The following SIPA1L2 variants were observed in gnomAD, a reference collection of about 807,000 sequenced individuals.
The protein encoded by SIPA1L2 is signal induced proliferation associated 1 like 2, also known as signal-induced proliferation-associated 1-like protein 2.
SIPA1L2 carries 56 observed loss-of-function variants against 163.9 expected under a neutral mutation model. The ratio of observed to expected loss-of-function variants is 0.34; its 90% CI spans 0.28 to 0.43. The LOEUF is 0.43. SIPA1L2 is among the 20% of genes least tolerant of loss of function. The pLI is 1.00. For synonymous variants in SIPA1L2, 877 were observed against 865.7 expected, an observed-to-expected ratio of 1.01 and a Z score of -0.23; for missense variants, 1,974 against 2,193.5, an observed-to-expected ratio of 0.90 and a Z score of 2.00.
intron 16 of SIPA1L2, among the ~76,000 whole-genome samples, chr1:232,429,994 A>T (rs1457568580): frequency 1.3e-5 from 2 of 152,252 alleles, no homozygotes; most frequent in Non-Finnish European, 2.9e-5. Flanking sequence ...ATATGTGTTT[A>T]TAAAAAAACA....
chr1:232,536,791 G>A (rs894153471), intron 2 of SIPA1L2, among the ~76,000 whole-genome samples: 17 of 152,066 alleles, frequency 1.1e-4, no homozygotes, highest in Middle Eastern at 3.4e-3. Context: ...AAAATAAGAC[G>A]ACTGACAGGA....
In SIPA1L2 at chr1:232,479,302, AC is replaced by A. The variant is rs1665200968; in HGVS notation, c.2085+324del. ...CTCTATAAATAAGCTATTTACCCACACACAAAAACCGAAGTCAGGTCAACAC... is the reference window on the plus strand; with the variant it reads ...CTCTATAAATAAGCTATTTACCCACAACAAAAACCGAAGTCAGGTCAACAC... On this transcript the variant is annotated intron_variant, in intron 7 of 22. Transcript: ENST00000674635. Among the ~76,000 whole-genome samples the A allele has an allele frequency of 2.6e-5, 4 of 152,204 alleles. No individual in the cohort carries two copies. In the South Asian group the frequency reaches 8.3e-4, roughly 31 times the overall value.
intron 1 of SIPA1L2, among the ~76,000 whole-genome samples, chr1:232,581,770 C>G (rs754380882): frequency 9.2e-5 from 14 of 152,156 alleles, no homozygotes; most frequent in South Asian, 4.1e-4. Context: ...TGAATATGCC[C>G]TAAAGGTTCC....
chr1:232,591,465 T>C (rs1660955010), intron 1 of SIPA1L2, among the ~76,000 whole-genome samples: 1 of 152,242 alleles, frequency 6.6e-6, no homozygotes, highest in Admixed American at 6.5e-5. Context: ...GTGGAGCCCT[T>C]GGGCCAGGAG....
chr1:232,463,311 C>T (rs888009204), intron 9 of SIPA1L2, among the ~76,000 whole-genome samples: 4 of 152,186 alleles, frequency 2.6e-5, no homozygotes, highest in African/African-American at 4.8e-5. Context: ...ATCTGCCAAA[C>T]GGGCAGGCAT....
At chr1:232,516,611 G>A (rs1440380963) in intron 2 of SIPA1L2, among the ~76,000 whole-genome samples, 1 of 151,666 alleles carries the variant, frequency 6.6e-6, no homozygotes. Context: ...GAGAGTAGAC[G>A]ATACGTTGTC....
At chr1:232,582,646 A>G (rs1301057204) in intron 1 of SIPA1L2, among the ~76,000 whole-genome samples, 1 of 152,136 alleles carries the variant, frequency 6.6e-6, no homozygotes, top group Non-Finnish European at 1.5e-5. Flanking sequence ...TTGGTATATG[A>G]TCTATTTTCC....
At chr1:232,435,179 A>C (rs1662482247) in intron 15 of SIPA1L2, among the ~76,000 whole-genome samples, 1 of 152,120 alleles carries the variant, frequency 6.6e-6, no homozygotes, top group Non-Finnish European at 1.5e-5. Flanking sequence ...TAGGTTACTC[A>C]CCTTTCCCCC....
At chr1:232,630,200 C>T (rs1421182179), upstream of SIPA1L2, among the ~76,000 whole-genome samples, 1 of 151,676 alleles carries the variant, frequency 6.6e-6, no homozygotes, top group Middle Eastern at 3.2e-3. Context: ...GCTCTGCGGG[C>T]TCCCATTGGT....
intron 1 of SIPA1L2, among the ~76,000 whole-genome samples, chr1:232,605,654 A>G (rs1317572900): frequency 1.3e-5 from 2 of 152,196 alleles, no homozygotes; most frequent in Non-Finnish European, 2.9e-5. Context: ...AGATCGCGCC[A>G]CTGCACTCCA....
intron 9 of SIPA1L2, chr1:232,462,245 C>G: frequency 6.4e-7 from 1 of 1,550,916 alleles, no homozygotes; most frequent in Non-Finnish European, 8.7e-7. Flanking sequence ...TAAGTATCAC[C>G]CGATGACTAT....
intron 1 of SIPA1L2, among the ~76,000 whole-genome samples, chr1:232,602,565 G>A (rs1171805423): frequency 4.6e-5 from 7 of 152,174 alleles, no homozygotes; most frequent in African/African-American, 1.7e-4. Flanking sequence ...TCCTGACCTC[G>A]TGATCCACCC....
At chr1:232,594,326 A>C (rs1661127360) in intron 1 of SIPA1L2, among the ~76,000 whole-genome samples, 1 of 152,198 alleles carries the variant, frequency 6.6e-6, no homozygotes, top group Admixed American at 6.5e-5. Context: ...AAAGCAAGGA[A>C]TAAAAATCAA....
At chr1:232,612,571 G>A (rs992444834) in intron 1 of SIPA1L2, among the ~76,000 whole-genome samples, 4 of 152,176 alleles carry the variant, frequency 2.6e-5, no homozygotes, top group Non-Finnish European at 5.9e-5. Flanking sequence ...TGACTGCCCC[G>A]CTGAATTTCA....
chr1:232,493,071 CAGTG>C (rs1484602044), intron 4 of SIPA1L2, among the ~76,000 whole-genome samples: 3 of 152,134 alleles, frequency 2.0e-5, no homozygotes, highest in Non-Finnish European at 4.4e-5. Flanking sequence ...GTTCTCATGA[CAGTG>C]AGTGAGTTCT....
chr1:232,543,097 AAC>A (rs1269746915), intron 2 of SIPA1L2, among the ~76,000 whole-genome samples: 7 of 152,312 alleles, frequency 4.6e-5, no homozygotes, highest in Non-Finnish European at 2.9e-5. Flanking sequence ...CAGTGTATCT[AAC>A]ACAACCAGTC....
chr1:232,607,447 G>C (rs561931238), intron 1 of SIPA1L2, among the ~76,000 whole-genome samples: 7 of 151,854 alleles, frequency 4.6e-5, no homozygotes, highest in African/African-American at 1.7e-4. Context: ...TATTACATTG[G>C]GTATCCTTAT....
chr1:232,428,691 G>C, intron 16 of SIPA1L2, 127 bp from the exon 17 acceptor site: 3 of 596,198 alleles, frequency 5.0e-6, no homozygotes, highest in South Asian at 1.4e-4. Flanking sequence ...TCTTAAGTCA[G>C]TTCACTTTTG....
intron 1 of SIPA1L2, among the ~76,000 whole-genome samples, chr1:232,607,712 A>G (rs746585057): frequency 1.5e-4 from 23 of 149,198 alleles, no homozygotes; most frequent in Non-Finnish European, 2.7e-4. Context: ...GTAGGGTTAC[A>G]TGGTGATGTT....
Sources: allele counts gnomAD v4.1 joint callset (sites outside exome capture counted in the v4.1 genomes callset), GRCh38; gene constraint gnomAD v4.1.1; transcripts MANE v1.5; gene names NCBI Gene and HGNC (gene_info 2026-07-23, HGNC 2026-07-21).